The following CCDC6 variants were observed in gnomAD, a reference collection of about 807,000 sequenced individuals.
CCDC6 encodes the protein coiled-coil domain containing 6.
In CCDC6, 20 loss-of-function variants were observed where a neutral mutation model predicts 56.6. The ratio of observed to expected loss-of-function variants is 0.35; its 90% CI spans 0.25 to 0.51. The LOEUF is 0.51. CCDC6 is among the 20% of genes least tolerant of loss of function. The pLI, the probability that CCDC6 is intolerant of heterozygous loss-of-function variation, is 0.95. For synonymous variants in CCDC6, 241 were observed against 234.4 expected, an observed-to-expected ratio of 1.03 and a Z score of -0.26; for missense variants, 367 against 601.1, an observed-to-expected ratio of 0.61 and a Z score of 4.07.
rs940798356 is a variant in CCDC6 at position 59,791,233 on chromosome 10, G to C, written c.*1684C>G. 2 of 197,740 alleles carry C rather than the reference G, an allele frequency of 1.0e-5. No individual in the cohort carries two copies. The highest frequency in any genetic ancestry group is 2.3e-5 in the African/African-American group (1 of 43,314). 12.2% of individuals were successfully genotyped at this position (197,740 alleles called of 1,614,324 possible). A position where few individuals can be genotyped will look rare whatever the true frequency, so the allele number is the denominator to read the frequency against. On this transcript the variant is annotated 3_prime_UTR_variant, in exon 9 of 9. Coordinates refer to ENST00000263102, the MANE Select transcript of CCDC6 (RefSeq NM_005436.5). ...TAAATAAAATTTATATAGACCTACA[G>C]TTTCTTCCAAACAATTGAGTGATGT...
intron 3 of CCDC6, among the ~76,000 whole-genome samples, chr10:59,819,021 G>C (rs2070731052): frequency 6.6e-6 from 1 of 152,006 alleles, no homozygotes; most frequent in Admixed American, 6.6e-5. Flanking sequence ...ACTAAAAATG[G>C]GGTAATTATA....
In CCDC6 at chr10:59,791,588, G is replaced by A. The variant is rs2070468241; in HGVS notation, c.*1329C>T. 5.0e-6 allele frequency: 1 copy of A among 198,760 alleles called. No individual in the cohort carries two copies. Among genetic ancestry groups the A allele is most frequent in the Non-Finnish European group, 1.0e-5 (1 of 96,012 alleles). The allele number at this position is 198,760 out of a possible 1,614,324, so 12.3% of individuals were successfully genotyped here. On this transcript the variant is annotated 3_prime_UTR_variant, in exon 9 of 9. Coordinates refer to ENST00000263102, the MANE Select transcript of CCDC6 (RefSeq NM_005436.5). ...TTATATCCAACAGATACACATTCTTGTCATAAAATATACATTCTCTAGTAA... is the reference window on the plus strand; with the variant it reads ...TTATATCCAACAGATACACATTCTTATCATAAAATATACATTCTCTAGTAA...
intron 7 of CCDC6, 66 bp from the exon 8 acceptor site, chr10:59,794,663 G>A (rs908490417): frequency 6.8e-7 from 1 of 1,480,342 alleles, no homozygotes; most frequent in Non-Finnish European, 9.3e-7. Context: ...AACTATCTAG[G>A]AGGTTTTAAA....
chr10:59,827,843 T>C (rs1056072665), intron 3 of CCDC6, among the ~76,000 whole-genome samples: 4 of 152,190 alleles, frequency 2.6e-5, no homozygotes, highest in South Asian at 2.1e-4. Flanking sequence ...TGTTACACCA[T>C]GTAAGTGTTA....
intron 3 of CCDC6, among the ~76,000 whole-genome samples, chr10:59,823,845 C>T (rs573388914): frequency 6.6e-6 from 1 of 152,276 alleles, no homozygotes; most frequent in Admixed American, 6.5e-5. Context: ...CATAAAGAAA[C>T]AGACCTGTGC....
intron 2 of CCDC6, among the ~76,000 whole-genome samples, chr10:59,840,230 C>A (rs1407095260): frequency 6.6e-6 from 1 of 152,154 alleles, no homozygotes; most frequent in African/African-American, 2.4e-5. Flanking sequence ...ACCACTGGGT[C>A]ATAGAGAATA....
chr10:59,867,308 A>C (rs573957380), intron 1 of CCDC6, among the ~76,000 whole-genome samples: 1 of 152,286 alleles, frequency 6.6e-6, no homozygotes, highest in South Asian at 2.1e-4. Flanking sequence ...AAACTGATTC[A>C]GGCCATGATG....
intron 6 of CCDC6, chr10:59,804,755 G>A (rs981860084): frequency 2.2e-6 from 1 of 453,720 alleles, no homozygotes; most frequent in Non-Finnish European, 4.0e-6. Context: ...TTTAGCTCAG[G>A]ATGGAAGCCA....
intron 1 of CCDC6, among the ~76,000 whole-genome samples, chr10:59,903,207 C>T (rs2071517464): frequency 6.6e-6 from 1 of 152,066 alleles, no homozygotes. Context: ...AAAAACTCTG[C>T]GTAATACTAT....
chr10:59,862,568 CATACACACACACACACAT>C (rs2071142887), intron 1 of CCDC6, among the ~76,000 whole-genome samples: 4 of 137,946 alleles, frequency 2.9e-5, no homozygotes, highest in African/African-American at 9.1e-5. Flanking sequence ...TATATATACA[CATACACACACACACACAT>C]ATATAAAACC....
intron 3 of CCDC6, among the ~76,000 whole-genome samples, chr10:59,832,078 G>T (rs989768696): frequency 6.6e-6 from 1 of 152,192 alleles, no homozygotes; most frequent in African/African-American, 2.4e-5. Context: ...CAACAAGTCT[G>T]GACTGGGAGA....
chr10:59,882,071 GC>G (rs2071343295), intron 1 of CCDC6, among the ~76,000 whole-genome samples: 2 of 32,134 alleles, frequency 6.2e-5, no homozygotes, highest in South Asian at 1.1e-3. Context: ...AAGGAAAGCC[GC>G]GGGGAGAAGG....
In CCDC6 at chr10:59,804,524, AGAG is replaced by A; in HGVS notation, c.1005-7_1005-5del. ...TGCAGACATCTCATTAAAATACCTA[AGAG>A]GAGAGAGGAGGAAACGATAAAACCA... On this transcript the variant is annotated splice_polypyrimidine_tract_variant and splice_region_variant and intron_variant, in intron 6 of 8. Transcript: ENST00000263102. The A allele has an allele frequency of 2.0e-6, 3 of 1,533,844 alleles. No individual in the cohort carries two copies. Among genetic ancestry groups the A allele is most frequent in the Non-Finnish European group, 2.7e-6 (3 of 1,106,760 alleles).
chr10:59,883,076 G>C (rs1008918400), intron 1 of CCDC6, among the ~76,000 whole-genome samples: 12 of 151,866 alleles, frequency 7.9e-5, no homozygotes, highest in African/African-American at 2.7e-4. Context: ...TGATATATTC[G>C]TACCCCCGAA....
In CCDC6 at chr10:59,791,308, C is replaced by T. The variant is rs2070465271; in HGVS notation, c.*1609G>A. On this transcript the variant is annotated 3_prime_UTR_variant, in exon 9 of 9. Transcript: ENST00000263102. ...AAGAGGTGAAAAAATCTTATTGTTGCTTTTACTCTCAAGTTCTTAAAACGC... is the reference window on the plus strand; with the variant it reads ...AAGAGGTGAAAAAATCTTATTGTTGTTTTTACTCTCAAGTTCTTAAAACGC... 1 of 200,714 alleles carries T rather than the reference C, an allele frequency of 5.0e-6. No homozygotes were observed. Among genetic ancestry groups the T allele is most frequent in the South Asian group, 1.9e-4 (1 of 5,216 alleles). The allele number at this position is 200,714 out of a possible 1,614,324, so 12.4% of individuals were successfully genotyped here. A position where few individuals can be genotyped will look rare whatever the true frequency, so the allele number is the denominator to read the frequency against.
At chr10:59,849,079 G>A (rs932288003) in intron 2 of CCDC6, among the ~76,000 whole-genome samples, 2 of 152,130 alleles carry the variant, frequency 1.3e-5, no homozygotes, top group Non-Finnish European at 2.9e-5. Flanking sequence ...TACAAATAAC[G>A]ATTAAAGCAC....
rs562258686 is a variant in CCDC6, at chr10:59,900,903, A to G, written c.303+5219T>C. Among the ~76,000 whole-genome samples the G allele has an allele frequency of 6.6e-5, 10 of 152,238 alleles. No homozygotes were observed. The East Asian group carries it at 1.9e-3, about 29-fold the overall frequency. ...GGTAAACACCACCTCCACTAAAAAT[A>G]CAAAACTAGGTGGGCATGGTGGCGC... On this transcript the variant is annotated intron_variant, in intron 1 of 8. Transcript: ENST00000263102.
At chr10:59,801,638 C>G (rs1016503658) in intron 7 of CCDC6, among the ~76,000 whole-genome samples, 1 of 152,102 alleles carries the variant, frequency 6.6e-6, no homozygotes, top group Non-Finnish European at 1.5e-5. Flanking sequence ...GGAATATCTA[C>G]GTATATTATC....
intron 5 of CCDC6, among the ~76,000 whole-genome samples, chr10:59,811,078 A>C (rs1264516726): frequency 6.6e-6 from 1 of 152,190 alleles, no homozygotes; most frequent in South Asian, 2.1e-4. Flanking sequence ...AACCTCCAGA[A>C]GGATGGCTGC....
Sources: allele counts gnomAD v4.1 joint callset (sites outside exome capture counted in the v4.1 genomes callset), GRCh38; gene constraint gnomAD v4.1.1; transcripts MANE v1.5; gene names NCBI Gene and HGNC (gene_info 2026-07-23, HGNC 2026-07-21).